The following SLCO1B3 variants were observed in gnomAD, a reference collection of about 807,000 sequenced individuals.
The protein encoded by SLCO1B3 is liver-specific organic anion transporter 2.
A neutral mutation model predicts 71.8 loss-of-function variants in SLCO1B3; 72 were observed. The ratio of observed to expected loss-of-function variants is 1.00; its 90% CI spans 0.83 to 1.22. The LOEUF (loss-of-function observed/expected upper bound fraction) is 1.22, where lower values mean the gene tolerates loss of function less well. Ranked by LOEUF, SLCO1B3 falls within the 50% of genes most tolerant of loss-of-function variation. The probability of loss-of-function intolerance (pLI) is 0.00; values close to 1 mark genes in which losing one functional copy is unlikely to be tolerated. For synonymous variants in SLCO1B3, 298 were observed against 278.4 expected (o/e 1.07, Z -0.70); for missense variants, 911 against 819.7 (o/e 1.11, Z -1.36).
chr12:20,871,969 G>A (rs964319729), intron 8 of SLCO1B3, among the ~76,000 whole-genome samples: 1 of 152,170 alleles, frequency 6.6e-6, no homozygotes, highest in African/African-American at 2.4e-5. Context: ...CTTCAATGCA[G>A]TGAGTTCCTC....
chr12:20,825,384 A>G (rs778008118), intron 3 of SLCO1B3, among the ~76,000 whole-genome samples: 1 of 152,130 alleles, frequency 6.6e-6, no homozygotes. Context: ...TCATGAATGC[A>G]GTTTATTTTG....
At chr12:20,904,164 C>T (rs185702014) in intron 15 of SLCO1B3, among the ~76,000 whole-genome samples, 7 of 150,540 alleles carry the variant, frequency 4.6e-5, no homozygotes, top group African/African-American at 1.7e-4. Context: ...GGCATGAACC[C>T]AGGAGGTGGA....
intron 13 of SLCO1B3, among the ~76,000 whole-genome samples, chr12:20,890,515 C>T (rs1345005385): frequency 6.6e-6 from 1 of 152,170 alleles, no homozygotes; most frequent in African/African-American, 2.4e-5. Flanking sequence ...GTAAAATGTT[C>T]TGTAAAATGT....
At chr12:20,910,220 C>G (rs1866346428) in intron 15 of SLCO1B3, among the ~76,000 whole-genome samples, 1 of 152,146 alleles carries the variant, frequency 6.6e-6, no homozygotes, top group Non-Finnish European at 1.5e-5. Context: ...TATATTTTCT[C>G]CATTGTAGTA....
At chr12:20,820,102 C>G (rs576108776) in intron 3 of SLCO1B3, among the ~76,000 whole-genome samples, 71 of 152,160 alleles carry the variant, frequency 4.7e-4, no homozygotes, top group Non-Finnish European at 9.4e-4. Flanking sequence ...TCAATACCCA[C>G]AACAGTTATG....
At chr12:20,897,754 C>T (rs1033173267) in intron 13 of SLCO1B3, among the ~76,000 whole-genome samples, 1 of 152,132 alleles carries the variant, frequency 6.6e-6, no homozygotes, top group Non-Finnish European at 1.5e-5. Flanking sequence ...TCCTCCTTTA[C>T]TAATGAAAGA....
chr12:20,893,445 G>A (rs1416533857), intron 13 of SLCO1B3, among the ~76,000 whole-genome samples: 2 of 152,120 alleles, frequency 1.3e-5, no homozygotes, highest in East Asian at 3.9e-4. Context: ...ATGGTAGGGT[G>A]GTGCACTTCT....
rs1184054941 is a variant in SLCO1B3 at position 20,916,791 on chromosome 12, T to C, written c.*544T>C. 4 of 152,158 alleles carry C rather than the reference T, an allele frequency of 2.6e-5. No homozygotes were observed. Among genetic ancestry groups the C allele is most frequent in the Non-Finnish European group, 4.4e-5 (3 of 68,040 alleles). The allele number at this position is 152,158 out of a possible 1,614,324, so 9.4% of individuals were successfully genotyped here. On this transcript the variant is annotated 3_prime_UTR_variant, in exon 16 of 16. Transcript: ENST00000381545. Reference sequence around the variant, plus strand: ...TCCCATTAAGATCCTGCAGAAGAAATAGAAATATTCAAATATTGCAAGGTG... The same window carrying C: ...TCCCATTAAGATCCTGCAGAAGAAACAGAAATATTCAAATATTGCAAGGTG...
At chr12:20,830,855 C>CA (rs1287910184) in intron 3 of SLCO1B3, among the ~76,000 whole-genome samples, 1 of 152,130 alleles carries the variant, frequency 6.6e-6, no homozygotes, top group African/African-American at 2.4e-5. Context: ...AGTGAATTAT[C>CA]TTCTATTGTC....
chr12:20,868,273 C>G (rs757776241), intron 8 of SLCO1B3, among the ~76,000 whole-genome samples: 2 of 151,926 alleles, frequency 1.3e-5, no homozygotes, highest in Non-Finnish European at 2.9e-5. Flanking sequence ...AATATATCTA[C>G]AGATTCAAGT....
intron 13 of SLCO1B3, among the ~76,000 whole-genome samples, chr12:20,886,291 G>T (rs11045581): frequency 0.72 from 110,025 of 151,888 alleles, 42,433 homozygotes; most frequent in South Asian, 0.9. Context: ...ATATGTAGAA[G>T]CCACCATTTA....
rs1270068575 is a variant in SLCO1B3 at position 20,814,975 on chromosome 12, TCTTTTC to T, written c.-65-698_-65-693del. Among the ~76,000 whole-genome samples, 119 of 51,520 alleles carry T rather than the reference TCTTTTC, an allele frequency of 2.3e-3. 3 individuals are homozygous for T. The South Asian group carries it at 0.12, about 53-fold the overall frequency. 33.8% of individuals were successfully genotyped at this position (51,520 alleles called of 152,430 possible). The stretch of plus-strand genomic sequence containing the variant: ...ATAAGCAGAATCTTGCCTTTTCTTT[TCTTTTC>T]TTTTTTTTTTTTTTTGCATTTTTCA... On this transcript the variant is annotated intron_variant, in intron 2 of 15. Transcript: ENST00000381545.
chr12:20,834,909 C>T (rs1864643342), intron 3 of SLCO1B3, among the ~76,000 whole-genome samples: 3 of 152,182 alleles, frequency 2.0e-5, no homozygotes, highest in African/African-American at 7.2e-5. Flanking sequence ...CCACATTTCC[C>T]TTCTGACTGC....
chr12:20,907,439 TTCCCTTCCCCTTCCTTCCCC>T (rs1339553001), intron 15 of SLCO1B3, among the ~76,000 whole-genome samples: 2 of 47,044 alleles, frequency 4.3e-5, no homozygotes, highest in African/African-American at 1.1e-4. Context: ...TTCCTCCCCC[TTCCCTTCCCCTTCCTTCCCC>T]TCCCTTCCCC....
chr12:20,845,571 G>C (rs942382379), intron 3 of SLCO1B3, among the ~76,000 whole-genome samples: 1 of 151,934 alleles, frequency 6.6e-6, no homozygotes, highest in Non-Finnish European at 1.5e-5. Flanking sequence ...CTGTTCTCTG[G>C]AGGAAATAAA....
At chr12:20,825,514 G>C (rs1045093679) in intron 3 of SLCO1B3, among the ~76,000 whole-genome samples, 2 of 152,116 alleles carry the variant, frequency 1.3e-5, no homozygotes, top group African/African-American at 4.8e-5. Flanking sequence ...TAACAGAATA[G>C]GCTGGCCACG....
intron 5 of SLCO1B3, among the ~76,000 whole-genome samples, chr12:20,860,367 A>C (rs763847959): frequency 1.8e-4 from 27 of 152,182 alleles, no homozygotes; most frequent in Non-Finnish European, 3.1e-4. Context: ...TCCAAAGTAC[A>C]AACACTGTGT....
chr12:20,865,544 A>G (rs903566223), intron 8 of SLCO1B3, among the ~76,000 whole-genome samples: 39 of 152,168 alleles, frequency 2.6e-4, no homozygotes, highest in African/African-American at 8.4e-4. Context: ...CAAAAATACA[A>G]TTGAACCTTG....
At chr12:20,911,701 G>C (rs973925689) in intron 15 of SLCO1B3, among the ~76,000 whole-genome samples, 12 of 152,076 alleles carry the variant, frequency 7.9e-5, no homozygotes, top group African/African-American at 2.4e-4. Flanking sequence ...ATTTCTTTCA[G>C]GTTATTAAAA....
Sources: gnomAD v4.1 joint callset for allele counts (sites outside exome capture counted in the v4.1 genomes callset) on GRCh38, gnomAD v4.1.1 for gene constraint, MANE v1.5 for transcripts, NCBI Gene and HGNC (gene_info 2026-07-23, HGNC 2026-07-21) for gene names.